The following GRM4 variants were observed in gnomAD, a reference collection of about 807,000 sequenced individuals.
GRM4 encodes the protein metabotropic glutamate receptor 4.
In GRM4, 28 loss-of-function variants were observed where a neutral mutation model predicts 81.7. The observed-to-expected ratio is 0.34, with a 90% CI of 0.25 to 0.47. GRM4 has a LOEUF of 0.47. Ranked by LOEUF, GRM4 falls within the 20% of genes least tolerant of loss-of-function variation. The pLI is 1.00. For synonymous variants in GRM4, 488 were observed against 528.8 expected (o/e 0.92, Z 1.06); for missense variants, 948 against 1,290.0 (o/e 0.73, Z 4.06).
chr6:34,054,134 C>G (rs1257803960), intron 6 of GRM4: 1 of 151,484 alleles, frequency 6.6e-6, no homozygotes, highest in Non-Finnish European at 1.5e-5. Flanking sequence ...GAGCTTGCCT[C>G]AGGCTCATGG....
Position 34,059,327 on chromosome 6 carries a change from C to A in GRM4, c.873-199G>T. 3.3e-6 allele frequency: 2 copies of A among 601,228 alleles called. No individual in the cohort carries two copies. The highest frequency in any genetic ancestry group is 4.0e-5 in the South Asian group (2 of 50,524). 37.2% of individuals were successfully genotyped at this position (601,228 alleles called of 1,614,324 possible). On this transcript the variant is annotated intron_variant, in intron 4 of 10. Coordinates refer to ENST00000538487, the MANE Select transcript of GRM4 (RefSeq NM_000841.4). The surrounding 1 kb of genome is among the most constrained non-coding windows in gnomAD (Gnocchi z 5.7). ...CACCTGCTCATAGACCCATGGCTAC[C>A]GCCTCATCCAACCTGCCTGCCCCTG...
chr6:34,154,253 C>T lies in GRM4; in HGVS notation c.312+826G>A, dbSNP rs544617102. 8.5e-5 allele frequency among the ~76,000 whole-genome samples: 13 copies of T among 152,324 alleles called. No homozygotes were observed. In the East Asian group the frequency reaches 2.5e-3, roughly 29 times the overall value. On this transcript the variant is annotated intron_variant, in intron 1 of 8. Coordinates refer to the GRM4 transcript ENST00000374177. ...CCTGTGAGATGGTGAGCACGGCTCC[C>T]CGCACACACCTCCCCTCACCGCGGT...
chr6:34,114,311 A>T lies in GRM4; in HGVS notation c.519+18667T>A, dbSNP rs1012823450. ...CAGCCCAACCCAACATCTGCTACTAAAAGATGCTCACCAGCTATTTGGTGG... is the reference window on the plus strand; with the variant it reads ...CAGCCCAACCCAACATCTGCTACTATAAGATGCTCACCAGCTATTTGGTGG... On this transcript the variant is annotated intron_variant, in intron 2 of 10. Coordinates refer to ENST00000538487, the MANE Select transcript of GRM4 (RefSeq NM_000841.4). The surrounding 1 kb of genome is among the most constrained non-coding windows in gnomAD (Gnocchi z 4.3). Among the ~76,000 whole-genome samples the T allele has an allele frequency of 1.3e-5, 2 of 152,122 alleles. No individual in the cohort carries two copies. The highest frequency in any genetic ancestry group is 2.9e-5 in the Non-Finnish European group (2 of 68,030).
At chr6:34,028,503 T>C in intron 9 of GRM4, 137 bp from the exon 10 acceptor site, 1 of 868,746 alleles carries the variant, frequency 1.2e-6, no homozygotes, top group Non-Finnish European at 1.8e-6. Context: ...GAGCTGGGAC[T>C]GCAGACCAGG....
At chr6:34,045,762 G>C (rs150225375) in intron 6 of GRM4, among the ~76,000 whole-genome samples, 42 of 152,334 alleles carry the variant, frequency 2.8e-4, no homozygotes, top group African/African-American at 9.1e-4. Context: ...GGACCAGGCA[G>C]GGGCACCGCA....
intron 1 of GRM4, among the ~76,000 whole-genome samples, chr6:34,144,319 C>T (rs1024858109): frequency 6.6e-6 from 1 of 152,176 alleles, no homozygotes; most frequent in African/African-American, 2.4e-5. Flanking sequence ...CTGCGAGCGC[C>T]GGGGAAGACC....
chr6:34,151,016 G>A (rs995340761), upstream of GRM4, among the ~76,000 whole-genome samples: 4 of 152,150 alleles, frequency 2.6e-5, no homozygotes, highest in Admixed American at 6.5e-5. Context: ...CCCCTCCCAC[G>A]CCCTGCCATG....
In GRM4 at chr6:34,059,839, G is replaced by A. The variant is rs925214715; in HGVS notation, c.873-711C>T. On this transcript the variant is annotated intron_variant, in intron 4 of 10. Transcript: ENST00000538487. The surrounding 1 kb of genome is among the most constrained non-coding windows in gnomAD (Gnocchi z 5.7). The stretch of plus-strand genomic sequence containing the variant: ...AGCAAGCGCTCAGCCAGGGCTTCAT[G>A]GAGGCATGAATTAAGTGGCCCCTCA... 2.6e-5 allele frequency: 4 copies of A among 152,282 alleles called. No individual in the cohort carries two copies. Among genetic ancestry groups the A allele is most frequent in the African/African-American group, 9.7e-5 (4 of 41,440 alleles). The allele number at this position is 152,282 out of a possible 1,614,324, so 9.4% of individuals were successfully genotyped here. A position where few individuals can be genotyped will look rare whatever the true frequency, so the allele number is the denominator to read the frequency against.
At position 34,140,787 on chromosome 6, in the gene GRM4, G is replaced by A. The variant is rs117554682; in HGVS notation, c.-364+5213C>T. Among the ~76,000 whole-genome samples the A allele has an allele frequency of 6.1e-3, 933 of 152,260 alleles. 7 individuals carry two copies. Among genetic ancestry groups the A allele is most frequent in the East Asian group, 0.033 (171 of 5,172 alleles). On this transcript the variant is annotated intron_variant, in intron 1 of 10. Coordinates refer to ENST00000538487, the MANE Select transcript of GRM4 (RefSeq NM_000841.4). ...TGCAGCTGTTACTATTTTGGCCTTC[G>A]CCACTAATACTGCTTCTTCCTCTCT...
In GRM4 at chr6:34,051,328, C is replaced by A. The variant is rs373977633; in HGVS notation, c.1168+5216G>T. ...TGCAAAATACTGGAACAGAGCTTGA[C>A]AATTAATAAATGCTATATAAATATT... is the stretch of plus-strand genomic sequence containing the variant. On this transcript the variant is annotated intron_variant, in intron 6 of 10. Coordinates refer to ENST00000538487, the MANE Select transcript of GRM4 (RefSeq NM_000841.4). 2.0e-5 allele frequency among the ~76,000 whole-genome samples: 3 copies of A among 152,284 alleles called. No individual in the cohort carries two copies. In the East Asian group the frequency reaches 5.8e-4, roughly 29 times the overall value.
rs1337206007 is a variant in GRM4 at position 34,130,061 on chromosome 6, C to T, written c.519+2917G>A. ...GGACACCTGGTGGTGGGCGCAGGTC[C>T]CCTCCCCCAAGGCATCCCTCCCTCA... is the stretch of plus-strand genomic sequence containing the variant. On this transcript the variant is annotated intron_variant, in intron 2 of 10. Transcript: ENST00000538487. This position sits in a 1 kb window ranked among gnomAD's most constrained non-coding sequence, Gnocchi z 4.1. 6.6e-6 allele frequency among the ~76,000 whole-genome samples: 1 copy of T among 152,120 alleles called. No individual in the cohort carries two copies. Among genetic ancestry groups the T allele is most frequent in the Non-Finnish European group, 1.5e-5 (1 of 68,018 alleles).
In GRM4 at chr6:34,059,236, G is replaced by C; in HGVS notation, c.873-108C>G. On this transcript the variant is annotated intron_variant, in intron 4 of 10. Transcript: ENST00000538487. The surrounding 1 kb of genome is among the most constrained non-coding windows in gnomAD (Gnocchi z 5.7). ...ACGTCCCTCACCCCCAGAAGCCCAGGGTCCACAACTGTCCCAGCACCGATG... is the reference window on the plus strand; with the variant it reads ...ACGTCCCTCACCCCCAGAAGCCCAGCGTCCACAACTGTCCCAGCACCGATG... 1.0e-6 allele frequency: 1 copy of C among 968,844 alleles called. No individual in the cohort carries two copies. The highest frequency in any genetic ancestry group is 1.6e-6 in the Non-Finnish European group (1 of 633,966). The allele number at this position is 968,844 out of a possible 1,614,324, so 60.0% of individuals were successfully genotyped here.
At position 34,128,831 on chromosome 6, in the gene GRM4, C is replaced by G. The variant is rs111935365; in HGVS notation, c.519+4147G>C. On this transcript the variant is annotated intron_variant, in intron 2 of 10. Transcript: ENST00000538487. ...CTGGCTCCAGAGTCCAAATGCTTAC[C>G]CCCATGCTGTGCAGCGCCCCCTTCT... Among the ~76,000 whole-genome samples the G allele has an allele frequency of 9.0e-3, 1,368 of 152,186 alleles. 21 individuals carry two copies. Among genetic ancestry groups the G allele is most frequent in the African/African-American group, 0.027 (1,102 of 41,522 alleles).
intron 10 of GRM4, chr6:34,024,764 G>C: frequency 4.4e-6 from 2 of 455,990 alleles, no homozygotes; most frequent in Non-Finnish European, 8.8e-6. Context: ...TAGCCGGATG[G>C]TGGTGGGCAA....
chr6:34,040,036 G>T (rs1025980576), intron 8 of GRM4, 142 bp downstream of exon 8: 3 of 777,128 alleles, frequency 3.9e-6, no homozygotes, highest in Admixed American at 4.3e-5. Context: ...GTCTGGGAGA[G>T]GGCACTGGGA....
upstream of GRM4, among the ~76,000 whole-genome samples, chr6:34,146,524 C>T (rs1459703869): frequency 6.6e-6 from 1 of 152,138 alleles, no homozygotes; most frequent in African/African-American, 2.4e-5. Context: ...AGGCAGGCAG[C>T]GTGGAAGTGA....
intron 6 of GRM4, among the ~76,000 whole-genome samples, chr6:34,041,346 G>A (rs752122604): frequency 1.2e-4 from 18 of 152,162 alleles, no homozygotes; most frequent in Admixed American, 5.9e-4. Context: ...AGTCACCATT[G>A]CCCCATCCAT....
rs545219456 is a variant in GRM4, at chr6:34,053,739, C to T, written c.1168+2805G>A. Among the ~76,000 whole-genome samples the T allele has an allele frequency of 1.1e-4, 16 of 152,320 alleles. No individual in the cohort carries two copies. The South Asian group carries it at 2.9e-3, about 28-fold the overall frequency. On this transcript the variant is annotated intron_variant, in intron 6 of 10. Transcript: ENST00000538487. ...CCTGGGGCACTTCAAAAAATCCTGA[C>T]GCTCAGGTTGCATCCAGTGCAAATT... is the stretch of plus-strand genomic sequence containing the variant.
At chr6:34,108,242 G>T (rs1278643632) in intron 2 of GRM4, among the ~76,000 whole-genome samples, 1 of 152,224 alleles carries the variant, frequency 6.6e-6, no homozygotes, top group East Asian at 1.9e-4. Context: ...CCTCCTTCCT[G>T]TGCCCCAGGT....
Sources: allele counts gnomAD v4.1 joint callset (sites outside exome capture counted in the v4.1 genomes callset), GRCh38; gene constraint gnomAD v4.1.1; non-coding constraint Gnocchi (gnomAD v3.1); transcripts MANE v1.5; gene names NCBI Gene and HGNC (gene_info 2026-07-23, HGNC 2026-07-21).